The following RGS6 variants were observed in gnomAD, a reference collection of about 807,000 sequenced individuals.
RGS6 encodes regulator of G-protein signaling 6.
Under a neutral mutation model 78.5 loss-of-function variants are expected in RGS6, and 30 were observed. The observed-to-expected ratio is 0.38, with a 90% CI of 0.29 to 0.52. The LOEUF (loss-of-function observed/expected upper bound fraction) is 0.52, where lower values mean the gene tolerates loss of function less well. RGS6 is among the 20% of genes least tolerant of loss of function. RGS6 has a pLI of 0.85. For missense variants in RGS6, 495 were observed against 609.7 expected (o/e 0.81, Z 1.98); for synonymous variants, 206 against 206.0 (o/e 1.00, Z 0.00).
chr14:72,009,779 T>C (rs768250121), intron 2 of RGS6, among the ~76,000 whole-genome samples: 1 of 152,198 alleles, frequency 6.6e-6, no homozygotes, highest in Non-Finnish European at 1.5e-5. Flanking sequence ...GGTAACTAAT[T>C]CTGGAAGCCA....
chr14:72,270,341 A>G (rs552326953), intron 2 of RGS6, among the ~76,000 whole-genome samples: 7 of 152,342 alleles, frequency 4.6e-5, no homozygotes, highest in Admixed American at 3.9e-4. Context: ...CCTCTAGGGT[A>G]GGGAGAAGAG....
intron 17 of RGS6, among the ~76,000 whole-genome samples, chr14:72,560,660 C>T (rs1163716995): frequency 6.6e-6 from 1 of 152,168 alleles, no homozygotes; most frequent in East Asian, 1.9e-4. Context: ...TTTTCAAAGA[C>T]TGACACCATA....
At chr14:72,291,024 T>G (rs952448819) in intron 2 of RGS6, among the ~76,000 whole-genome samples, 4 of 151,908 alleles carry the variant, frequency 2.6e-5, no homozygotes, top group Non-Finnish European at 5.9e-5. Flanking sequence ...GCCTCTCAAC[T>G]CTACACTCTT....
At chr14:72,260,956 G>T (rs956661803) in intron 2 of RGS6, among the ~76,000 whole-genome samples, 2 of 152,208 alleles carry the variant, frequency 1.3e-5, no homozygotes, top group Non-Finnish European at 2.9e-5. Flanking sequence ...TTGAGCAATT[G>T]TTGCTGGTTC....
In RGS6 at chr14:72,163,851, C is replaced by T. The variant is rs184704331; in HGVS notation, c.85-188244C>T. Among the ~76,000 whole-genome samples the T allele has an allele frequency of 6.4e-3, 964 of 149,980 alleles. 30 individuals carry two copies. Among genetic ancestry groups the T allele is most frequent in the Admixed American group, 0.057 (858 of 15,082 alleles). Reference sequence around the variant, plus strand: ...TGAGCCAAGATTGCACCACTGCACTCCAGCCTGGGCAACAGAGTGAGACTC... The same window carrying T: ...TGAGCCAAGATTGCACCACTGCACTTCAGCCTGGGCAACAGAGTGAGACTC... On this transcript the variant is annotated intron_variant, in intron 2 of 17. Coordinates refer to ENST00000553525, the MANE Select transcript of RGS6 (RefSeq NM_001204424.2).
At chr14:71,884,892 CCT>C in the RGS6 span, among the ~76,000 whole-genome samples, 1 of 152,084 alleles carries the variant, frequency 6.6e-6, no homozygotes, top group East Asian at 1.9e-4. Context: ...CCTTTCGTTC[CCT>C]GTGGTATAAG....
intron 2 of RGS6, among the ~76,000 whole-genome samples, chr14:72,069,014 C>T (rs2094299062): frequency 6.6e-6 from 1 of 152,024 alleles, no homozygotes; most frequent in Admixed American, 6.6e-5. Context: ...GTCTGTCACT[C>T]AGGCTGGAGT....
chr14:71,886,684 G>C, the RGS6 span, among the ~76,000 whole-genome samples: 7 of 152,160 alleles, frequency 4.6e-5, no homozygotes, highest in Non-Finnish European at 7.4e-5. Flanking sequence ...TCTTTAATTT[G>C]GTTGGTTTGT....
chr14:72,507,398 G>C (rs2096821918), intron 13 of RGS6, among the ~76,000 whole-genome samples: 1 of 152,202 alleles, frequency 6.6e-6, no homozygotes, highest in African/African-American at 2.4e-5. Context: ...AACTGTGAGA[G>C]AATAAATTTC....
chr14:72,102,060 T>G (rs1175658899), intron 2 of RGS6, among the ~76,000 whole-genome samples: 1 of 152,188 alleles, frequency 6.6e-6, no homozygotes, highest in African/African-American at 2.4e-5. Flanking sequence ...TTTCCTTCCG[T>G]TGGGATTTGG....
At chr14:72,130,611 G>A (rs1411943097) in intron 2 of RGS6, among the ~76,000 whole-genome samples, 1 of 152,130 alleles carries the variant, frequency 6.6e-6, no homozygotes, top group Non-Finnish European at 1.5e-5. Context: ...GGGAACTAGG[G>A]ACAAAGACAA....
the RGS6 span, among the ~76,000 whole-genome samples, chr14:71,887,646 C>T: frequency 7.9e-5 from 12 of 152,118 alleles, no homozygotes; most frequent in African/African-American, 2.7e-4. Flanking sequence ...GGAAAAACTC[C>T]GCCCTGGTAA....
intron 2 of RGS6, among the ~76,000 whole-genome samples, chr14:71,981,519 G>C (rs545609915): frequency 2.0e-5 from 3 of 151,676 alleles, no homozygotes; most frequent in East Asian, 1.9e-4. Flanking sequence ...ATACCCGGCC[G>C]TGTGAGGTGT....
chr14:72,548,342 T>TGTGTGTGTGTGTGTGTGTGCGCGC (rs796698263), intron 17 of RGS6, among the ~76,000 whole-genome samples: 1 of 134,744 alleles, frequency 7.4e-6, no homozygotes, highest in African/African-American at 3.2e-5. Flanking sequence ...TGTGTGTGTG[T>TGTGTGTGTGTGTGTGTGTGCGCGC]GCGCGCGTGT....
intron 2 of RGS6, among the ~76,000 whole-genome samples, chr14:72,341,019 C>G (rs978156689): frequency 6.6e-6 from 1 of 151,984 alleles, no homozygotes; most frequent in Non-Finnish European, 1.5e-5. Flanking sequence ...TGCCTCGCAG[C>G]CTTGGAATGG....
At chr14:72,201,630 C>T (rs181131086) in intron 2 of RGS6, among the ~76,000 whole-genome samples, 4 of 152,306 alleles carry the variant, frequency 2.6e-5, no homozygotes, top group African/African-American at 9.6e-5. Context: ...AAAACAGTTT[C>T]TCTACTATGC....
At chr14:72,534,309 T>G (rs908963827) in intron 15 of RGS6, among the ~76,000 whole-genome samples, 22 of 152,268 alleles carry the variant, frequency 1.4e-4, no homozygotes, top group African/African-American at 5.3e-4. Flanking sequence ...GCACACATCA[T>G]TGACTACATA....
rs143539048 is a variant in RGS6, at chr14:72,182,887, G to A, written c.85-169208G>A. 8.4e-4 allele frequency among the ~76,000 whole-genome samples: 128 copies of A among 152,266 alleles called. No homozygotes were observed. The East Asian group carries it at 0.022, about 26-fold the overall frequency. On this transcript the variant is annotated intron_variant, in intron 2 of 17. Coordinates refer to ENST00000553525, the MANE Select transcript of RGS6 (RefSeq NM_001204424.2). The stretch of plus-strand genomic sequence containing the variant: ...TGGAAAAACATTTAGTGTTGTTGTC[G>A]TTGATGATTTTTTTTCATACTCTCT...
intron 17 of RGS6, among the ~76,000 whole-genome samples, chr14:72,561,709 G>A (rs1157674468): frequency 6.6e-6 from 1 of 152,184 alleles, no homozygotes. Flanking sequence ...ACTGCCACAT[G>A]GGTTATAGTT....
Sources: gnomAD v4.1 joint callset for allele counts (sites outside exome capture counted in the v4.1 genomes callset) on GRCh38, gnomAD v4.1.1 for gene constraint, MANE v1.5 for transcripts, NCBI Gene and HGNC (gene_info 2026-07-23, HGNC 2026-07-21) for gene names.